TMEM65: variants seen among roughly 807,000 people sequenced by gnomAD.
The protein encoded by TMEM65 is transmembrane protein 65.
In TMEM65, 22 loss-of-function variants were observed where a neutral mutation model predicts 25.4. That is an observed-to-expected ratio of 0.86 (90% CI 0.62 to 1.23). TMEM65 has a LOEUF of 1.23. Ranked by LOEUF, TMEM65 falls within the 50% of genes most tolerant of loss-of-function variation. TMEM65 has a pLI of 0.00. For synonymous variants in TMEM65, 132 were observed against 126.2 expected, an observed-to-expected ratio of 1.05 and a Z score of -0.31; for missense variants, 262 against 308.2, an observed-to-expected ratio of 0.85 and a Z score of 1.12.
rs551614908 is a variant in TMEM65, at chr8:124,311,707, A to G, written c.*2253T>C. On this transcript the variant is annotated 3_prime_UTR_variant, in exon 7 of 7. Transcript: ENST00000297632. ...ATTATCTTAAAAAGAACCATTCTTC[A>G]GAAATCACTTTGTGGCAAAGCACCA... is the stretch of plus-strand genomic sequence containing the variant. The G allele has an allele frequency of 3.9e-5, 6 of 152,322 alleles. No homozygotes were observed. The South Asian group carries it at 1.2e-3, about 32-fold the overall frequency. The allele number at this position is 152,322 out of a possible 1,614,324, so 9.4% of individuals were successfully genotyped here.
At chr8:124,338,713 T>TA (rs1314991004) in intron 1 of TMEM65, among the ~76,000 whole-genome samples, 8 of 152,316 alleles carry the variant, frequency 5.3e-5, no homozygotes, top group African/African-American at 1.7e-4. Flanking sequence ...AACTTCTTTA[T>TA]AAAAAACCTT....
At chr8:124,357,986 C>T (rs544740458) in intron 1 of TMEM65, among the ~76,000 whole-genome samples, 2 of 151,950 alleles carry the variant, frequency 1.3e-5, no homozygotes, top group African/African-American at 2.4e-5. Flanking sequence ...CCTGCCACCA[C>T]GCCCAGCTAG....
In TMEM65 at chr8:124,308,149, AG is replaced by A. The variant is rs1162199224; in HGVS notation, c.*5810del. 4 of 152,252 alleles carry A rather than the reference AG, an allele frequency of 2.6e-5. No homozygotes were observed. The highest frequency in any genetic ancestry group is 9.6e-5 in the African/African-American group (4 of 41,460). 9.4% of individuals were successfully genotyped at this position (152,252 alleles called of 1,614,324 possible). A position where few individuals can be genotyped will look rare whatever the true frequency, so the allele number is the denominator to read the frequency against. On this transcript the variant is annotated 3_prime_UTR_variant, in exon 7 of 7. Transcript: ENST00000297632. ...CCATTGCTGTTTTGTCTTTGAAGTC[AG>A]GAAGTACCTTGCCAGTAAAGGACTG...
chr8:124,371,009 T>C (rs1815004491), intron 1 of TMEM65, among the ~76,000 whole-genome samples: 1 of 152,244 alleles, frequency 6.6e-6, no homozygotes, highest in Admixed American at 6.5e-5. Flanking sequence ...TTCTGAACTT[T>C]TAGCTTTTTC....
intron 1 of TMEM65, among the ~76,000 whole-genome samples, chr8:124,358,840 T>C (rs1055071701): frequency 2.0e-5 from 3 of 152,172 alleles, no homozygotes; most frequent in Non-Finnish European, 4.4e-5. Flanking sequence ...ACAGGATCCA[T>C]TGTGTCTACT....
chr8:124,319,103 C>T lies in TMEM65; in HGVS notation c.621+983G>A, dbSNP rs115090214. On this transcript the variant is annotated intron_variant, in intron 6 of 6. Coordinates refer to ENST00000297632, the MANE Select transcript of TMEM65 (RefSeq NM_194291.3). ...CTGTATCTCTACTTGGCATATAATA[C>T]GTAAACAATAAGTATTTGTTGAATG... Among the ~76,000 whole-genome samples the T allele has an allele frequency of 2.7e-3, 415 of 152,200 alleles. 1 individual carries two copies. Among genetic ancestry groups the T allele is most frequent in the African/African-American group, 8.4e-3 (350 of 41,528 alleles).
At chr8:124,337,437 G>A (rs1428201479) in intron 1 of TMEM65, among the ~76,000 whole-genome samples, 1 of 151,830 alleles carries the variant, frequency 6.6e-6, no homozygotes. Context: ...TCATAATAGT[G>A]GCAAAAATAA....
chr8:124,334,594 T>C (rs965242623), intron 1 of TMEM65, among the ~76,000 whole-genome samples: 1 of 151,452 alleles, frequency 6.6e-6, no homozygotes, highest in African/African-American at 2.4e-5. Flanking sequence ...TGAAACCCCA[T>C]CTGTACTAAA....
intron 1 of TMEM65, among the ~76,000 whole-genome samples, chr8:124,332,241 A>T (rs1479462502): frequency 6.6e-6 from 1 of 152,178 alleles, no homozygotes; most frequent in East Asian, 1.9e-4. Flanking sequence ...GGTGAAGTAA[A>T]CATGCAAAAG....
intron 1 of TMEM65, among the ~76,000 whole-genome samples, chr8:124,354,747 C>T (rs1313953551): frequency 6.6e-6 from 1 of 152,194 alleles, no homozygotes; most frequent in Non-Finnish European, 1.5e-5. Flanking sequence ...GCTTCTTTCC[C>T]TTCCCTTCCC....
chr8:124,327,304 C>A (rs1364160637), intron 3 of TMEM65, 50 bp downstream of exon 3: 1 of 1,236,772 alleles, frequency 8.1e-7, no homozygotes, highest in African/African-American at 1.5e-5. Flanking sequence ...AAAATGTAGA[C>A]CACATTAATT....
chr8:124,341,523 T>G (rs1011643437), intron 1 of TMEM65, among the ~76,000 whole-genome samples: 4 of 152,064 alleles, frequency 2.6e-5, no homozygotes, highest in Admixed American at 2.0e-4. Flanking sequence ...TCTTTACCTT[T>G]TAGGTAATTG....
intron 1 of TMEM65, among the ~76,000 whole-genome samples, chr8:124,331,612 C>T (rs1458448972): frequency 6.6e-6 from 1 of 151,564 alleles, no homozygotes; most frequent in Non-Finnish European, 1.5e-5. Context: ...AGGCAGCAGC[C>T]TACCTGGTCT....
intron 5 of TMEM65, among the ~76,000 whole-genome samples, chr8:124,320,893 G>C (rs1415608179): frequency 6.6e-6 from 1 of 152,088 alleles, no homozygotes; most frequent in Non-Finnish European, 1.5e-5. Context: ...AGAGAGAAGA[G>C]AAATAGTTTT....
chr8:124,323,114 T>G (rs1011589671), intron 4 of TMEM65, among the ~76,000 whole-genome samples: 3 of 152,110 alleles, frequency 2.0e-5, no homozygotes, highest in African/African-American at 7.2e-5. Context: ...AGTATTGTTA[T>G]CCAATAACTA....
intron 1 of TMEM65, among the ~76,000 whole-genome samples, chr8:124,348,618 T>C (rs1006583967): frequency 1.3e-5 from 2 of 152,190 alleles, no homozygotes; most frequent in Non-Finnish European, 1.5e-5. Flanking sequence ...TAAAATAATT[T>C]ATCTTGGAAC....
At chr8:124,336,906 A>G (rs1196175466) in intron 1 of TMEM65, among the ~76,000 whole-genome samples, 6 of 151,920 alleles carry the variant, frequency 3.9e-5, no homozygotes, top group Non-Finnish European at 7.4e-5. Flanking sequence ...CAAAAAGAGA[A>G]TAAGAATTAC....
chr8:124,318,850 G>T (rs1464419060), intron 6 of TMEM65, among the ~76,000 whole-genome samples: 1 of 152,066 alleles, frequency 6.6e-6, no homozygotes, highest in Non-Finnish European at 1.5e-5. Context: ...TTTTCAGTGA[G>T]GCCTACAGTG....
At chr8:124,351,667 T>C (rs1273732342) in intron 1 of TMEM65, among the ~76,000 whole-genome samples, 1 of 152,122 alleles carries the variant, frequency 6.6e-6, no homozygotes, top group African/African-American at 2.4e-5. Context: ...TCTCCAAGAG[T>C]TCCTTTAATG....
Sources: allele counts gnomAD v4.1 joint callset (sites outside exome capture counted in the v4.1 genomes callset), GRCh38; gene constraint gnomAD v4.1.1; transcripts MANE v1.5; gene names NCBI Gene and HGNC (gene_info 2026-07-23, HGNC 2026-07-21).